PCDHA4: variants seen among roughly 807,000 people sequenced by gnomAD.
The protein encoded by PCDHA4 is protocadherin alpha 4.
In PCDHA4, 49 loss-of-function variants were observed where a neutral mutation model predicts 61.4. The ratio of observed to expected loss-of-function variants is 0.80; its 90% CI spans 0.63 to 1.01. PCDHA4 has a LOEUF of 1.01. Among genes scored for constraint, PCDHA4 ranks in the 50% least tolerant of loss-of-function variants. PCDHA4 has a pLI of 0.00. For missense variants in PCDHA4, 1,254 were observed against 1,235.8 expected (o/e 1.01, Z -0.22); for synonymous variants, 590 against 550.3 (o/e 1.07, Z -1.01).
Position 140,928,713 on chromosome 5 carries a change from T to C in PCDHA4, c.2386-50236T>C, listed in dbSNP as rs535812769. The C allele has an allele frequency of 3.1e-6, 5 of 1,614,142 alleles. No individual in the cohort carries two copies. In the African/African-American group the frequency reaches 6.7e-5, roughly 22 times the overall value. ...ACATCTCCCGGGCGTCTGACTCTAG[T>C]CTCTTTAGAATTTCAGCCAATATAG... On this transcript the variant is annotated intron_variant, in intron 1 of 3. Coordinates refer to ENST00000530339, the MANE Select transcript of PCDHA4 (RefSeq NM_018907.4).
At chr5:140,913,667 G>A (rs2076425699) in intron 1 of PCDHA4, among the ~76,000 whole-genome samples, 2 of 152,000 alleles carry the variant, frequency 1.3e-5, no homozygotes, top group South Asian at 2.1e-4. Flanking sequence ...GTATAGTTAG[G>A]TTATTTAAAA....
intron 1 of PCDHA4, among the ~76,000 whole-genome samples, chr5:140,831,419 G>A (rs1473528725): frequency 6.6e-6 from 1 of 151,618 alleles, no homozygotes; most frequent in Non-Finnish European, 1.5e-5. Flanking sequence ...GAGTACAGTG[G>A]TGCAATAATG....
chr5:140,985,643 A>G (rs564908892), intron 3 of PCDHA4, among the ~76,000 whole-genome samples: 1 of 151,200 alleles, frequency 6.6e-6, no homozygotes, highest in Non-Finnish European at 1.5e-5. Context: ...TCATCCCAAC[A>G]CTTGCAATGG....
chr5:140,966,188 T>G (rs1454663585), intron 1 of PCDHA4: 7 of 200,348 alleles, frequency 3.5e-5, no homozygotes, highest in Non-Finnish European at 6.9e-5. Context: ...ATAGCCAGAC[T>G]TCTAGGGGCT....
chr5:140,929,580 T>A (rs1035039235), intron 1 of PCDHA4: 13 of 442,122 alleles, frequency 2.9e-5, no homozygotes, highest in African/African-American at 1.0e-4. Context: ...AAAAGTAATA[T>A]GACATAAAGG....
At chr5:140,899,403 G>A (rs1458189120) in intron 1 of PCDHA4, among the ~76,000 whole-genome samples, 6 of 152,230 alleles carry the variant, frequency 3.9e-5, no homozygotes, top group Admixed American at 1.3e-4. Context: ...AGCATGAAGG[G>A]TTGTTGAATT....
intron 1 of PCDHA4, chr5:140,928,615 A>T: frequency 6.2e-7 from 1 of 1,614,276 alleles, no homozygotes. Flanking sequence ...CCGCTCTGCC[A>T]GGACTGGACA....
In PCDHA4 at chr5:140,839,005, A is replaced by G. The variant is rs182308106; in HGVS notation, c.2385+29433A>G. On this transcript the variant is annotated intron_variant, in intron 1 of 3. Transcript: ENST00000530339. ...TGTTCCTAATATTCTAATATACTTT[A>G]GTAAATTATTTTAGGATATGTTACT... Among the ~76,000 whole-genome samples, 398 of 152,230 alleles carry G rather than the reference A, an allele frequency of 2.6e-3. 4 individuals are homozygous for G. The highest frequency in any genetic ancestry group is 9.1e-3 in the African/African-American group (377 of 41,530).
intron 1 of PCDHA4, chr5:140,870,322 G>A (rs1554164069): frequency 6.2e-7 from 1 of 1,614,086 alleles, no homozygotes; most frequent in African/African-American, 1.3e-5. Flanking sequence ...CTACTCGTTG[G>A]TGCTGGACAG....
rs1032326497 is a variant in PCDHA4, at chr5:140,858,875, C to A, written c.2385+49303C>A. ...TATCTCTTCAGTGAAAATGTGTTTT[C>A]CTCCATGTGTAGAATATGTGTAGCG... On this transcript the variant is annotated intron_variant, in intron 1 of 3. Transcript: ENST00000530339. 1.2e-5 allele frequency: 3 copies of A among 246,542 alleles called. No homozygotes were observed. The East Asian group carries it at 3.3e-4, about 27-fold the overall frequency. 15.3% of individuals were successfully genotyped at this position (246,542 alleles called of 1,614,324 possible).
chr5:140,851,370 T>C, intron 1 of PCDHA4: 2 of 979,252 alleles, frequency 2.0e-6, no homozygotes, highest in South Asian at 4.7e-5. Flanking sequence ...AACATCTGAT[T>C]GTTCAGCAAC....
intron 1 of PCDHA4, among the ~76,000 whole-genome samples, chr5:140,887,536 C>G (rs2153420652): frequency 6.6e-6 from 1 of 152,238 alleles, no homozygotes; most frequent in African/African-American, 2.4e-5. Context: ...CTTCCTCTCC[C>G]CACCCCTCAT....
In PCDHA4 at chr5:141,010,504, A is replaced by C; in HGVS notation, c.*567A>C. On this transcript the variant is annotated 3_prime_UTR_variant, in exon 4 of 4. Transcript: ENST00000530339. ...AACTTAAAGGGACCAGACTTTCTAA[A>C]TCTTACAACTCAAGAGGTGGCAGCC... is the stretch of plus-strand genomic sequence containing the variant. 1.8e-6 allele frequency: 1 copy of C among 549,734 alleles called. No homozygotes were observed. Among genetic ancestry groups the C allele is most frequent in the Non-Finnish European group, 2.9e-6 (1 of 344,512 alleles). The allele number at this position is 549,734 out of a possible 1,614,324, so 34.1% of individuals were successfully genotyped here.
intron 1 of PCDHA4, chr5:140,836,900 T>C: frequency 3.4e-6 from 2 of 592,540 alleles, no homozygotes; most frequent in Non-Finnish European, 5.6e-6. Context: ...GAAGTACGTT[T>C]AATATACACT....
intron 3 of PCDHA4, among the ~76,000 whole-genome samples, chr5:140,984,056 G>A (rs569184437): frequency 6.6e-6 from 1 of 152,318 alleles, no homozygotes; most frequent in African/African-American, 2.4e-5. Context: ...TGACAAATCT[G>A]TACCCTCAGT....
intron 1 of PCDHA4, chr5:140,856,419 A>G: frequency 6.3e-7 from 1 of 1,598,426 alleles, no homozygotes; most frequent in Non-Finnish European, 8.6e-7. Context: ...GAAGTGAAGG[A>G]CATTAACGAC....
chr5:140,893,781 G>C (rs113070458), intron 1 of PCDHA4, among the ~76,000 whole-genome samples: 1 of 151,996 alleles, frequency 6.6e-6, no homozygotes, highest in Non-Finnish European at 1.5e-5. Context: ...TTCTTTTACC[G>C]TTTTTAGAAT....
intron 1 of PCDHA4, chr5:140,883,849 G>A (rs2059850853): frequency 1.2e-6 from 2 of 1,612,940 alleles, no homozygotes; most frequent in East Asian, 2.2e-5. Context: ...ACCACGAGGA[G>A]CTGGAGCTGT....
In PCDHA4 at chr5:140,809,158, C is replaced by A. The variant is rs782790826; in HGVS notation, c.1971C>A (p.Pro657=). 5 of 1,613,830 alleles carry A rather than the reference C, an allele frequency of 3.1e-6. No individual in the cohort carries two copies. In the African/African-American group the frequency reaches 6.7e-5, roughly 22 times the overall value. ...TACTGGTGAAGGACCACGGCGAGCC[C>A]GCGCTGACGGCCACGGCCACTGTGC... ...LLVLVKDHGE[P]ALTATATVLV... Residue 657 remains proline, a synonymous_variant, in exon 1 of 4, where the codon CCC becomes CCA. Transcript: ENST00000530339.
Sources: allele counts gnomAD v4.1 joint callset (sites outside exome capture counted in the v4.1 genomes callset), GRCh38; gene constraint gnomAD v4.1.1; transcripts MANE v1.5; gene names NCBI Gene and HGNC (gene_info 2026-07-23, HGNC 2026-07-21).